PTPRD: variants seen among roughly 807,000 people sequenced by gnomAD.
The protein encoded by PTPRD is protein tyrosine phosphatase receptor type D.
A neutral mutation model predicts 214.5 loss-of-function variants in PTPRD; 34 were observed. That is an observed-to-expected ratio of 0.16 (90% CI 0.12 to 0.21). The LOEUF (loss-of-function observed/expected upper bound fraction) is 0.21, where lower values mean the gene tolerates loss of function less well. Among genes scored for constraint, PTPRD ranks in the 10% least tolerant of loss-of-function variants. The pLI is 1.00. For missense variants in PTPRD, 2,545 were observed against 2,398.7 expected (o/e 1.06, Z -1.27); for synonymous variants, 1,128 against 845.7 (o/e 1.33, Z -5.79).
At chr9:9,104,919 G>T (rs1240489458) in intron 10 of PTPRD, among the ~76,000 whole-genome samples, 2 of 152,120 alleles carry the variant, frequency 1.3e-5, no homozygotes, top group Non-Finnish European at 2.9e-5. Flanking sequence ...ATAAGTGTGA[G>T]ATAGGAAAAG....
intron 5 of PTPRD, among the ~76,000 whole-genome samples, chr9:9,816,419 T>C (rs543883201): frequency 1.4e-4 from 21 of 152,220 alleles, no homozygotes; most frequent in African/African-American, 5.1e-4. Context: ...ACAAATAAGC[T>C]ATCTAATGCA....
intron 8 of PTPRD, among the ~76,000 whole-genome samples, chr9:9,488,672 A>G (rs1432385954): frequency 6.6e-6 from 1 of 152,224 alleles, no homozygotes; most frequent in Non-Finnish European, 1.5e-5. Flanking sequence ...ATGCACTTGC[A>G]GAGTATATCT....
At chr9:9,742,365 C>T (rs182990971) in intron 6 of PTPRD, among the ~76,000 whole-genome samples, 5 of 152,244 alleles carry the variant, frequency 3.3e-5, no homozygotes, top group South Asian at 2.1e-4. Flanking sequence ...GAAATGTGAC[C>T]TTCACTTTCA....
chr9:10,187,196 C>T (rs2099338255), intron 3 of PTPRD, among the ~76,000 whole-genome samples: 1 of 151,592 alleles, frequency 6.6e-6, no homozygotes, highest in African/African-American at 2.4e-5. Flanking sequence ...TTTTTTTAAC[C>T]TTTCTGTCTC....
At chr9:8,608,035 T>C (rs1343371935) in intron 14 of PTPRD, among the ~76,000 whole-genome samples, 1 of 152,210 alleles carries the variant, frequency 6.6e-6, no homozygotes, top group Non-Finnish European at 1.5e-5. Flanking sequence ...TACGACGCAC[T>C]GCATTCTAAT....
chr9:10,290,596 A>G (rs2095499856), intron 3 of PTPRD, among the ~76,000 whole-genome samples: 2 of 152,154 alleles, frequency 1.3e-5, no homozygotes, highest in South Asian at 2.1e-4. Flanking sequence ...AAGGAATTAT[A>G]TTATTGACTC....
intron 14 of PTPRD, among the ~76,000 whole-genome samples, chr9:8,627,493 T>A (rs1172997556): frequency 6.6e-6 from 1 of 151,912 alleles, no homozygotes; most frequent in African/African-American, 2.4e-5. Context: ...TGAGTTGATG[T>A]TCATTTCAAA....
At chr9:10,252,236 A>C (rs2092840944) in intron 3 of PTPRD, among the ~76,000 whole-genome samples, 1 of 152,196 alleles carries the variant, frequency 6.6e-6, no homozygotes, top group South Asian at 2.1e-4. Flanking sequence ...AGCACGATGG[A>C]CATGAAATGG....
chr9:8,610,912 T>G (rs2095424218), intron 14 of PTPRD, among the ~76,000 whole-genome samples: 1 of 152,360 alleles, frequency 6.6e-6, no homozygotes. Flanking sequence ...GCTGCTAACA[T>G]GCTGAAAGTA....
intron 10 of PTPRD, among the ~76,000 whole-genome samples, chr9:9,057,485 T>C (rs575945621): frequency 1.3e-5 from 2 of 152,288 alleles, no homozygotes; most frequent in South Asian, 4.1e-4. Flanking sequence ...TGGATTTAGA[T>C]TCCACTATGA....
chr9:9,759,471 T>C (rs753740890), intron 6 of PTPRD, among the ~76,000 whole-genome samples: 15 of 152,086 alleles, frequency 9.9e-5, no homozygotes, highest in African/African-American at 1.2e-4. Context: ...AGTACCTTAT[T>C]AGTTTTAAAT....
intron 44 of PTPRD, among the ~76,000 whole-genome samples, chr9:8,320,326 T>G (rs1240659032): frequency 6.6e-6 from 1 of 152,116 alleles, no homozygotes; most frequent in East Asian, 1.9e-4. Context: ...CTTAATATTT[T>G]TAAAGTATGA....
intron 4 of PTPRD, among the ~76,000 whole-genome samples, chr9:9,987,289 G>A (rs1485953873): frequency 1.3e-5 from 2 of 152,164 alleles, no homozygotes; most frequent in Non-Finnish European, 2.9e-5. Context: ...ATTAGAATTT[G>A]TGATGCTGTG....
At chr9:9,304,851 C>T (rs187164471) in intron 9 of PTPRD, among the ~76,000 whole-genome samples, 5 of 150,582 alleles carry the variant, frequency 3.3e-5, no homozygotes, top group Admixed American at 2.7e-4. Context: ...TTCTTGGTGT[C>T]CTTGCATCCA....
chr9:9,286,647 G>C (rs1569567071), intron 9 of PTPRD, among the ~76,000 whole-genome samples: 1 of 150,878 alleles, frequency 6.6e-6, no homozygotes, highest in Non-Finnish European at 1.5e-5. Flanking sequence ...CCCAAACCTA[G>C]TTAGTTCTTC....
chr9:8,528,929 T>C, intron 14 of PTPRD, 150 bp from the exon 15 acceptor site: 2 of 718,526 alleles, frequency 2.8e-6, no homozygotes, highest in South Asian at 1.8e-5. Flanking sequence ...ACAGTCACAA[T>C]GCTGCTACTG....
At chr9:9,829,887 A>T (rs766215140) in intron 5 of PTPRD, among the ~76,000 whole-genome samples, 9 of 151,728 alleles carry the variant, frequency 5.9e-5, no homozygotes, top group Non-Finnish European at 1.0e-4. Context: ...TGTTTATAAA[A>T]TTTTTGAGCC....
At chr9:9,243,798 G>C (rs1433708285) in intron 9 of PTPRD, among the ~76,000 whole-genome samples, 1 of 152,092 alleles carries the variant, frequency 6.6e-6, no homozygotes, top group African/African-American at 2.4e-5. Context: ...AGGGCTATCA[G>C]GCAGGAGAAT....
intron 14 of PTPRD, among the ~76,000 whole-genome samples, chr9:8,619,848 T>C (rs889871282): frequency 6.6e-5 from 10 of 152,156 alleles, no homozygotes; most frequent in South Asian, 2.1e-4. Context: ...TTACACTCGA[T>C]TGTATCCTTT....
Sources: allele counts gnomAD v4.1 joint callset (sites outside exome capture counted in the v4.1 genomes callset), GRCh38; gene constraint gnomAD v4.1.1; transcripts MANE v1.5; gene names NCBI Gene and HGNC (gene_info 2026-07-23, HGNC 2026-07-21).